The following ACSF3 variants were observed in gnomAD, a reference collection of about 807,000 sequenced individuals.
The protein encoded by ACSF3 is acyl-CoA synthetase family member 3.
In ACSF3, 78 loss-of-function variants were observed where a neutral mutation model predicts 53.2. The ratio of observed to expected loss-of-function variants is 1.47; its 90% CI spans 1.22 to 1.77. ACSF3 has a LOEUF of 1.77. ACSF3 is among the 40% of genes most tolerant of loss of function. The pLI is 0.00. For missense variants in ACSF3, 937 were observed against 771.1 expected, an observed-to-expected ratio of 1.22 and a Z score of -2.55; for synonymous variants, 414 against 333.1, an observed-to-expected ratio of 1.24 and a Z score of -2.65.
At chr16:89,114,192 T>C in intron 5 of ACSF3, 147 bp from the exon 6 acceptor site, 1 of 1,053,314 alleles carries the variant, frequency 9.5e-7, no homozygotes, top group South Asian at 1.3e-5. Flanking sequence ...ACAGTGGTGC[T>C]GTACCCACGG....
At chr16:89,108,844 C>G (rs1050553184) in intron 4 of ACSF3, among the ~76,000 whole-genome samples, 1 of 152,174 alleles carries the variant, frequency 6.6e-6, no homozygotes, top group Non-Finnish European at 1.5e-5. Flanking sequence ...TGAACATTTA[C>G]ATATAAATCT....
chr16:89,119,751 G>A (rs1272736687), intron 6 of ACSF3, among the ~76,000 whole-genome samples: 1 of 152,168 alleles, frequency 6.6e-6, no homozygotes, highest in Non-Finnish European at 1.5e-5. Flanking sequence ...TTCGCCTGCA[G>A]GACCCCAGGT....
intron 10 of ACSF3, chr16:89,149,039 C>T (rs961676853): frequency 1.3e-5 from 2 of 152,206 alleles, no homozygotes; most frequent in African/African-American, 4.8e-5. Context: ...GCTCTGCTTA[C>T]CTTTTAAATC....
At chr16:89,109,245 AAAAAAG>A (rs576403030) in intron 4 of ACSF3, among the ~76,000 whole-genome samples, 17,171 of 132,632 alleles carry the variant, frequency 0.13, 917 homozygotes, top group African/African-American at 0.2. Flanking sequence ...AAAAAAAAAA[AAAAAAG>A]AAAAGAAAAG....
chr16:89,122,961 ACAGT>A (rs1907014228), intron 7 of ACSF3: 1 of 152,332 alleles, frequency 6.6e-6, no homozygotes, highest in African/African-American at 2.4e-5. Flanking sequence ...GGGCACCCTG[ACAGT>A]CAGAGACACC....
intron 1 of ACSF3, chr16:89,095,116 G>A (rs1209984623): frequency 2.0e-5 from 3 of 152,236 alleles, no homozygotes; most frequent in East Asian, 3.9e-4. Context: ...AGGAGCACGG[G>A]TGTTACTACC....
In ACSF3 at chr16:89,107,996, A is replaced by G. The variant is rs534640254; in HGVS notation, c.823-4096A>G. 2.0e-5 allele frequency among the ~76,000 whole-genome samples: 3 copies of G among 152,336 alleles called. No homozygotes were observed. The East Asian group carries it at 5.8e-4, about 29-fold the overall frequency. ...GGGGAGGCCTCAGAATCATGGTGGGAGGCAAAAGGCACTTCTTACATGGCG... is the reference window on the plus strand; with the variant it reads ...GGGGAGGCCTCAGAATCATGGTGGGGGGCAAAAGGCACTTCTTACATGGCG... On this transcript the variant is annotated intron_variant, in intron 4 of 10. Coordinates refer to ENST00000614302, the MANE Select transcript of ACSF3 (RefSeq NM_001243279.3).
intron 7 of ACSF3, among the ~76,000 whole-genome samples, chr16:89,131,703 C>T (rs1002688735): frequency 9.9e-5 from 15 of 152,240 alleles, no homozygotes; most frequent in African/African-American, 3.6e-4. Flanking sequence ...ATTTGTAGGG[C>T]CTTTGCCTTG....
In ACSF3 at chr16:89,102,140, T is replaced by C. The variant is rs546737070; in HGVS notation, c.667-464T>C. ...TTCTCAGTAAGAGCTGAGGGTGTGC[T>C]CTGGAGCCTGGCCTGGGTTCTGTCC... On this transcript the variant is annotated intron_variant, in intron 3 of 10. Transcript: ENST00000614302. Among the ~76,000 whole-genome samples, 180 of 152,346 alleles carry C rather than the reference T, an allele frequency of 1.2e-3. 2 individuals are homozygous for C. Among genetic ancestry groups the C allele is most frequent in the African/African-American group, 3.9e-3 (163 of 41,582 alleles).
rs1975480893 is a variant in ACSF3 at position 89,102,611 on chromosome 16, G to A, written c.674G>A (p.Gly225Glu). Residue 225 changes from glycine to glutamate, a missense_variant, in exon 4 of 11, where the codon GGG becomes GAG. Physicochemically the swap from Gly to Glu is moderately conservative, Grantham distance 98. Transcript: ENST00000614302. ...TGCTCTCGTCCCCTGCAGGTGACCG[G>A]GCTGGTCCACAAGTGGGCATGGACC... The part of the protein sequence containing the change: ...THQNIRAVVT[G>E]LVHKWAWTKD... The A allele has an allele frequency of 6.2e-7, 1 of 1,613,578 alleles. No individual in the cohort carries two copies. The highest frequency in any genetic ancestry group is 8.5e-7 in the Non-Finnish European group (1 of 1,180,038).
At chr16:89,117,364 A>G (rs9938463) in intron 6 of ACSF3, among the ~76,000 whole-genome samples, 137,067 of 152,008 alleles carry the variant, frequency 0.9, 62,129 homozygotes, top group Admixed American at 0.93. Context: ...GAGCACGGTG[A>G]CCTCTTCAAT....
chr16:89,145,343 C>G lies in ACSF3; in HGVS notation c.1443C>G (p.Gly481=), dbSNP rs768307195. The change falls in exon 9 of 11, where the codon GGC becomes GGG. Residue 481 remains glycine (G), a synonymous_variant. Coordinates refer to ENST00000614302, the MANE Select transcript of ACSF3 (RefSeq NM_001243279.3). ...CAGTGGACATCATCAAGACTGGAGG[C>G]TACAAGGTCAGCGCCCTGGAGGTGG... The part of the protein sequence containing the change: ...RTSVDIIKTG[G]YKVSALEVEW... The G allele has an allele frequency of 5.0e-6, 8 of 1,614,102 alleles. No homozygotes were observed. In the South Asian group the frequency reaches 7.7e-5, roughly 16 times the overall value.
chr16:89,095,080 G>C (rs1326907448), intron 1 of ACSF3: 1 of 152,382 alleles, frequency 6.6e-6, no homozygotes, highest in East Asian at 1.9e-4. Context: ...AGACCTTGTT[G>C]AGGAGGGGGT....
chr16:89,115,848 C>T (rs1175178210), intron 6 of ACSF3, among the ~76,000 whole-genome samples: 2 of 152,154 alleles, frequency 1.3e-5, no homozygotes, highest in African/African-American at 4.8e-5. Flanking sequence ...TCAACTGGGG[C>T]CTTTGTTTTC....
At position 89,154,659 on chromosome 16, in the gene ACSF3, G is replaced by C. The variant is rs574904171; in HGVS notation, c.*452G>C. ...CCAGTGTCTCCCGGCCCACATAGGA[G>C]GTCTGGGCAGCCACCCAGGGGGCCC... On this transcript the variant is annotated 3_prime_UTR_variant, in exon 11 of 11. Transcript: ENST00000614302. The C allele has an allele frequency of 5.7e-4, 257 of 454,122 alleles. No individual in the cohort carries two copies. The highest frequency in any genetic ancestry group is 1.1e-3 in the Non-Finnish European group (242 of 226,974). 28.1% of individuals were successfully genotyped at this position (454,122 alleles called of 1,614,324 possible).
At position 89,101,238 on chromosome 16, in the gene ACSF3, C is replaced by G. The variant is rs376098216; in HGVS notation, c.557C>G (p.Pro186Arg). Residue 186 changes from proline to arginine, a missense_variant, in exon 3 of 11, where the codon CCG (proline) becomes CGG (arginine). Physicochemically the swap from Pro to Arg is moderately radical, Grantham distance 103. Coordinates refer to ENST00000614302, the MANE Select transcript of ACSF3 (RefSeq NM_001243279.3). ...GCAGTAGAGGAACCGGCAGAGGTCC[C>G]GGTCCCAGAGCAGGGATGGAGGAAC... ...TGAVEEPAEV[P>R]VPEQGWRNKG... 6.2e-6 allele frequency: 10 copies of G among 1,600,032 alleles called. No homozygotes were observed. In the African/African-American group the frequency reaches 8.0e-5, roughly 13 times the overall value.
chr16:89,147,264 T>C (rs373138202), intron 10 of ACSF3, among the ~76,000 whole-genome samples: 2 of 24,826 alleles, frequency 8.1e-5, no homozygotes, highest in Admixed American at 4.7e-4. Context: ...ACAGAGTGAG[T>C]GAGGGAGGAG....
At chr16:89,121,020 C>CGTGG in intron 7 of ACSF3, 107 bp downstream of exon 7, 7 of 986,088 alleles carry the variant, frequency 7.1e-6, no homozygotes, top group Non-Finnish European at 1.1e-5. Flanking sequence ...CCCCTCCACG[C>CGTGG]AGGGGACCAG....
chr16:89,114,603 C>CGTGG (rs2151455429), intron 6 of ACSF3, 116 bp downstream of exon 6: 2 of 1,489,990 alleles, frequency 1.3e-6, no homozygotes, highest in East Asian at 4.7e-5. Context: ...GATGCTCCCC[C>CGTGG]GTGGGACAGG....
Sources: allele counts gnomAD v4.1 joint callset (sites outside exome capture counted in the v4.1 genomes callset), GRCh38; gene constraint gnomAD v4.1.1; transcripts MANE v1.5; gene names NCBI Gene and HGNC (gene_info 2026-07-23, HGNC 2026-07-21).